Variants in SNTG1 observed in about 807,000 individuals in gnomAD.
The protein encoded by SNTG1 is gamma-1-syntrophin.
Under a neutral mutation model 74.7 loss-of-function variants are expected in SNTG1, and 39 were observed. The ratio of observed to expected loss-of-function variants is 0.52; its 90% CI spans 0.40 to 0.68. The LOEUF (loss-of-function observed/expected upper bound fraction) is 0.68. Ranked by LOEUF, SNTG1 falls within the 30% of genes least tolerant of loss-of-function variation. SNTG1 has a pLI of 0.00. For synonymous variants in SNTG1, 254 were observed against 217.1 expected, an observed-to-expected ratio of 1.17 and a Z score of -1.49; for missense variants, 685 against 609.5, an observed-to-expected ratio of 1.12 and a Z score of -1.30.
At chr8:50,189,476 G>A (rs1448490941) in intron 2 of SNTG1, among the ~76,000 whole-genome samples, 2 of 152,110 alleles carry the variant, frequency 1.3e-5, no homozygotes, top group Non-Finnish European at 2.9e-5. Flanking sequence ...GGACCACACT[G>A]TGCAAACCAC....
chr8:50,368,800 C>T (rs1316652580), intron 2 of SNTG1, among the ~76,000 whole-genome samples: 6 of 152,106 alleles, frequency 3.9e-5, no homozygotes, highest in Non-Finnish European at 8.8e-5. Context: ...AATGAAATTG[C>T]CCTTGCTAGG....
At chr8:50,419,165 A>C (rs2131443407) in intron 4 of SNTG1, among the ~76,000 whole-genome samples, 1 of 152,200 alleles carries the variant, frequency 6.6e-6, no homozygotes, top group South Asian at 2.1e-4. Flanking sequence ...GTAACCTGGA[A>C]ATGACAATAA....
intron 7 of SNTG1, 22 bp from the exon 8 acceptor site, chr8:50,450,656 CATGGGAAACT>C (rs750345036): frequency 6.2e-7 from 1 of 1,613,220 alleles, no homozygotes; most frequent in Admixed American, 1.7e-5. Context: ...TACAATATGC[CATGGGAAACT>C]ATGCTTTTCT....
intron 13 of SNTG1, among the ~76,000 whole-genome samples, chr8:50,624,408 C>T (rs2094943740): frequency 6.6e-6 from 1 of 151,578 alleles, no homozygotes; most frequent in Admixed American, 6.6e-5. Flanking sequence ...TTTATCTGCT[C>T]ATATGTCAAG....
At chr8:49,993,130 G>C (rs994348818) in intron 1 of SNTG1, among the ~76,000 whole-genome samples, 2 of 151,984 alleles carry the variant, frequency 1.3e-5, no homozygotes, top group African/African-American at 4.8e-5. Flanking sequence ...TGATACATAA[G>C]GGTTTTATTC....
At chr8:50,193,085 A>G (rs1425604522) in intron 2 of SNTG1, among the ~76,000 whole-genome samples, 1 of 152,008 alleles carries the variant, frequency 6.6e-6, no homozygotes, top group African/African-American at 2.4e-5. Flanking sequence ...AGGTAGTGTG[A>G]TGCCTCCAGA....
At chr8:50,782,846 T>C (rs1052703060) in intron 18 of SNTG1, among the ~76,000 whole-genome samples, 10 of 152,170 alleles carry the variant, frequency 6.6e-5, no homozygotes, top group Non-Finnish European at 1.0e-4. Flanking sequence ...TGTCTACTTT[T>C]GGTCTTTGAT....
chr8:50,033,691 G>T (rs548344150), intron 1 of SNTG1, among the ~76,000 whole-genome samples: 3 of 152,014 alleles, frequency 2.0e-5, no homozygotes, highest in East Asian at 3.9e-4. Context: ...GTATCTCTGT[G>T]TGTCCTAGTG....
At chr8:50,610,733 G>C (rs1488441572) in intron 13 of SNTG1, among the ~76,000 whole-genome samples, 1 of 152,164 alleles carries the variant, frequency 6.6e-6, no homozygotes, top group African/African-American at 2.4e-5. Flanking sequence ...CGACCGCTGA[G>C]AGTAGGGGTG....
chr8:50,568,157 TCATC>T (rs2094526405), intron 12 of SNTG1, among the ~76,000 whole-genome samples: 1 of 151,998 alleles, frequency 6.6e-6, no homozygotes, highest in African/African-American at 2.4e-5. Flanking sequence ...TCCTTCAGGT[TCATC>T]CATGTTGCAG....
intron 17 of SNTG1, among the ~76,000 whole-genome samples, chr8:50,711,163 T>A (rs2095460544): frequency 6.6e-6 from 1 of 152,204 alleles, no homozygotes; most frequent in Non-Finnish European, 1.5e-5. Flanking sequence ...AAGTTATTTT[T>A]AAATATGATA....
chr8:50,281,501 T>A (rs2088454961), intron 2 of SNTG1, among the ~76,000 whole-genome samples: 1 of 152,196 alleles, frequency 6.6e-6, no homozygotes, highest in African/African-American at 2.4e-5. Flanking sequence ...CACCTTCAGC[T>A]TGCAGGGCTT....
At chr8:50,389,803 G>T (rs1346324944) in intron 2 of SNTG1, among the ~76,000 whole-genome samples, 3 of 152,182 alleles carry the variant, frequency 2.0e-5, no homozygotes, top group Non-Finnish European at 4.4e-5. Flanking sequence ...ATATCTCATT[G>T]TGGTTTTGAT....
intron 1 of SNTG1, among the ~76,000 whole-genome samples, chr8:49,998,026 T>G (rs1814394182): frequency 6.6e-6 from 1 of 152,206 alleles, no homozygotes; most frequent in African/African-American, 2.4e-5. Context: ...ACTGTACACC[T>G]GGTCTATATG....
chr8:49,933,142 G>A lies in SNTG1; in HGVS notation c.-103+20911G>A, dbSNP rs564803624. The stretch of plus-strand genomic sequence containing the variant: ...CAATTTTTTTGGATATATATCTAGC[G>A]GTGCAGTTGCTGGGTCATATGGACT... On this transcript the variant is annotated intron_variant, in intron 1 of 18. Transcript: ENST00000642720. Among the ~76,000 whole-genome samples the A allele has an allele frequency of 2.3e-4, 35 of 152,132 alleles. 1 individual carries two copies. In the South Asian group the frequency reaches 3.1e-3, roughly 14 times the overall value.
chr8:50,781,184 A>G (rs1050702049), intron 18 of SNTG1, among the ~76,000 whole-genome samples: 1 of 151,462 alleles, frequency 6.6e-6, no homozygotes, highest in Non-Finnish European at 1.5e-5. Context: ...TATTCTGTTG[A>G]TTTGGGGTGG....
At chr8:50,462,494 C>T (rs1402786487) in intron 8 of SNTG1, among the ~76,000 whole-genome samples, 5 of 140,176 alleles carry the variant, frequency 3.6e-5, no homozygotes, top group Non-Finnish European at 7.8e-5. Context: ...TGAAATTTGC[C>T]ACATCTATTG....
At chr8:50,405,765 C>T (rs1380858770) in intron 4 of SNTG1, among the ~76,000 whole-genome samples, 2 of 151,952 alleles carry the variant, frequency 1.3e-5, no homozygotes, top group Admixed American at 6.6e-5. Flanking sequence ...TAAGAGTTTA[C>T]AATTTTTGCT....
chr8:50,736,817 A>G (rs1050458713), intron 17 of SNTG1, among the ~76,000 whole-genome samples: 2 of 152,090 alleles, frequency 1.3e-5, no homozygotes, highest in Admixed American at 1.3e-4. Context: ...CTGCTCCTGA[A>G]TGACTACTGG....
Sources: gnomAD v4.1 joint callset for allele counts (sites outside exome capture counted in the v4.1 genomes callset) on GRCh38, gnomAD v4.1.1 for gene constraint, MANE v1.5 for transcripts, NCBI Gene and HGNC (gene_info 2026-07-23, HGNC 2026-07-21) for gene names.